Variants in RAB27B observed in about 807,000 individuals in gnomAD.
The protein encoded by RAB27B is ras-related protein Rab-27B.
RAB27B carries 15 observed loss-of-function variants against 24.6 expected under a neutral mutation model. The ratio of observed to expected loss-of-function variants is 0.61; its 90% CI spans 0.41 to 0.94. The LOEUF (loss-of-function observed/expected upper bound fraction) is 0.94, where lower values mean the gene tolerates loss of function less well. Ranked by LOEUF, RAB27B falls within the 40% of genes least tolerant of loss-of-function variation. The probability of loss-of-function intolerance (pLI) is 0.00; values close to 1 mark genes in which losing one functional copy is unlikely to be tolerated. For synonymous variants in RAB27B, 105 were observed against 92.5 expected (o/e 1.14, Z -0.78); for missense variants, 261 against 266.8 (o/e 0.98, Z 0.15).
intron 2 of RAB27B, among the ~76,000 whole-genome samples, chr18:54,801,545 C>A (rs1403664054): frequency 6.6e-6 from 1 of 152,118 alleles, no homozygotes. Flanking sequence ...CCCATCTAGG[C>A]CTGTTGACCA....
intron 1 of RAB27B, among the ~76,000 whole-genome samples, chr18:54,836,848 A>T (rs1016488765): frequency 4.3e-4 from 65 of 150,224 alleles, no homozygotes; most frequent in African/African-American, 1.6e-3. Flanking sequence ...AAGGAGCAAA[A>T]TTTCTGCCTG....
chr18:54,853,620 A>G (rs908930387), intron 1 of RAB27B, among the ~76,000 whole-genome samples: 1 of 152,186 alleles, frequency 6.6e-6, no homozygotes, highest in South Asian at 2.1e-4. Context: ...TGCTAATCCT[A>G]TTAATCGGTA....
chr18:54,799,525 T>TA (rs1351693763), intron 2 of RAB27B, among the ~76,000 whole-genome samples: 25 of 151,748 alleles, frequency 1.6e-4, no homozygotes, highest in Non-Finnish European at 2.9e-5. Context: ...TTCTGTTTTT[T>TA]AAAAAACAAT....
intron 2 of RAB27B, among the ~76,000 whole-genome samples, chr18:54,774,187 C>CA (rs747603847): frequency 3.9e-4 from 59 of 152,148 alleles, no homozygotes; most frequent in Non-Finnish European, 7.5e-4. Flanking sequence ...TGGTAAGAGA[C>CA]AAAAAATCAT....
intron 1 of RAB27B, among the ~76,000 whole-genome samples, chr18:54,838,592 T>C (rs924190305): frequency 1.3e-5 from 2 of 152,190 alleles, no homozygotes; most frequent in Non-Finnish European, 2.9e-5. Context: ...GTATAACACT[T>C]TCTTTGTTAT....
At chr18:54,744,962 CT>C (rs1348583438) in intron 2 of RAB27B, 28 of 192,674 alleles carry the variant, frequency 1.5e-4, no homozygotes, top group Admixed American at 1.3e-3. Flanking sequence ...GAAAGCCCTG[CT>C]GATTCAGTGT....
chr18:54,822,109 A>G (rs776672613), intron 2 of RAB27B, among the ~76,000 whole-genome samples: 60 of 152,242 alleles, frequency 3.9e-4, no homozygotes, highest in Non-Finnish European at 7.8e-4. Flanking sequence ...AAATAAGGCA[A>G]GATAATTTCC....
At chr18:54,822,319 A>G (rs1033007929) in intron 2 of RAB27B, among the ~76,000 whole-genome samples, 1 of 152,216 alleles carries the variant, frequency 6.6e-6, no homozygotes, top group Non-Finnish European at 1.5e-5. Flanking sequence ...CCAGCAAGGA[A>G]TTTAAGATGA....
intron 2 of RAB27B, among the ~76,000 whole-genome samples, chr18:54,767,808 G>A (rs1018635942): frequency 2.6e-5 from 4 of 152,144 alleles, no homozygotes; most frequent in African/African-American, 9.7e-5. Context: ...ACTGAGTTCT[G>A]CTTATTGTGT....
At chr18:54,782,556 T>C (rs900402937) in intron 2 of RAB27B, among the ~76,000 whole-genome samples, 1 of 152,198 alleles carries the variant, frequency 6.6e-6, no homozygotes, top group African/African-American at 2.4e-5. Context: ...ATAACCTTAT[T>C]GGCTATTCTG....
chr18:54,851,011 A>T (rs1030980718), intron 1 of RAB27B, among the ~76,000 whole-genome samples: 1 of 152,024 alleles, frequency 6.6e-6, no homozygotes, highest in Admixed American at 6.6e-5. Flanking sequence ...ACCTCTGAGG[A>T]TTATTTTGAA....
chr18:54,846,743 T>C (rs1394770126), intron 1 of RAB27B, among the ~76,000 whole-genome samples: 1 of 152,262 alleles, frequency 6.6e-6, no homozygotes, highest in Non-Finnish European at 1.5e-5. Context: ...TTTTGTTTTC[T>C]ATCAGTAAAT....
At chr18:54,875,424 TG>T (rs1361770903) in intron 1 of RAB27B, among the ~76,000 whole-genome samples, 1 of 152,204 alleles carries the variant, frequency 6.6e-6, no homozygotes, top group East Asian at 1.9e-4. Flanking sequence ...TTGGAATAAT[TG>T]AGACATGTGT....
intron 2 of RAB27B, among the ~76,000 whole-genome samples, chr18:54,877,941 CTT>C (rs760114544): frequency 5.9e-5 from 9 of 152,260 alleles, no homozygotes; most frequent in South Asian, 2.1e-4. Context: ...GGCACTCTCT[CTT>C]GTCTCCCAAA....
chr18:54,740,913 A>G (rs997264530), intron 2 of RAB27B, among the ~76,000 whole-genome samples: 1 of 152,190 alleles, frequency 6.6e-6, no homozygotes, highest in African/African-American at 2.4e-5. Flanking sequence ...AGAAGAAAGG[A>G]GGCTGAGAAA....
intron 3 of RAB27B, 169 bp downstream of exon 3, chr18:54,879,623 ACAGTAGCACT>A: frequency 1.6e-6 from 1 of 607,234 alleles, no homozygotes; most frequent in South Asian, 2.1e-5. Context: ...TTAATTAATC[ACAGTAGCACT>A]GTGCAGTTGG....
At chr18:54,860,508 A>G (rs1911970145) in intron 1 of RAB27B, among the ~76,000 whole-genome samples, 1 of 151,946 alleles carries the variant, frequency 6.6e-6, no homozygotes, top group African/African-American at 2.4e-5. Flanking sequence ...CATCTCCTCC[A>G]TGAAGCCCTC....
rs992068703 is a variant in RAB27B, at chr18:54,893,162, T to C, written c.*3749T>C. 1 of 152,092 alleles carries C rather than the reference T, an allele frequency of 6.6e-6. No individual in the cohort carries two copies. Among genetic ancestry groups the C allele is most frequent in the African/African-American group, 2.4e-5 (1 of 41,460 alleles). The allele number at this position is 152,092 out of a possible 1,614,324, so 9.4% of individuals were successfully genotyped here. A position where few individuals can be genotyped will look rare whatever the true frequency, so the allele number is the denominator to read the frequency against. ...TCATGAAACAGGTTGTTCATTGTTCTGCATCTCTCTTCATTTAAAAAGGAT... is the reference window on the plus strand; with the variant it reads ...TCATGAAACAGGTTGTTCATTGTTCCGCATCTCTCTTCATTTAAAAAGGAT... On this transcript the variant is annotated 3_prime_UTR_variant, in exon 6 of 6. Coordinates refer to ENST00000262094, the MANE Select transcript of RAB27B (RefSeq NM_004163.4).
At chr18:54,765,088 A>T (rs7240674) in intron 2 of RAB27B, among the ~76,000 whole-genome samples, 1 of 145,274 alleles carries the variant, frequency 6.9e-6, no homozygotes, top group Non-Finnish European at 1.5e-5. Flanking sequence ...ACAAAAAAAA[A>T]CAAAAAAACA....
Sources: gnomAD v4.1 joint callset for allele counts (sites outside exome capture counted in the v4.1 genomes callset) on GRCh38, gnomAD v4.1.1 for gene constraint, MANE v1.5 for transcripts, NCBI Gene and HGNC (gene_info 2026-07-23, HGNC 2026-07-21) for gene names.